The following BTBD7 variants were observed in gnomAD, a reference collection of about 807,000 sequenced individuals.
BTBD7 encodes the protein BTB domain containing 7, also known as BTB/POZ domain-containing protein 7.
In BTBD7, 38 loss-of-function variants were observed where a neutral mutation model predicts 99.9. The observed-to-expected ratio is 0.38, with a 90% CI of 0.29 to 0.50. BTBD7 has a LOEUF of 0.50. BTBD7 is among the 20% of genes least tolerant of loss of function. The probability of loss-of-function intolerance (pLI) is 0.93; values close to 1 mark genes in which losing one functional copy is unlikely to be tolerated. For synonymous variants in BTBD7, 520 were observed against 511.4 expected, an observed-to-expected ratio of 1.02 and a Z score of -0.23; for missense variants, 1,170 against 1,394.6, an observed-to-expected ratio of 0.84 and a Z score of 2.57.
intron 3 of BTBD7, among the ~76,000 whole-genome samples, chr14:93,287,209 A>T (rs2052789361): frequency 6.9e-6 from 1 of 145,852 alleles, no homozygotes; most frequent in Admixed American, 6.7e-5. Context: ...AGCCTGGGCG[A>T]CAGAGCGAGA....
rs1289228079 is a variant in BTBD7, at chr14:93,239,348, A to T, written c.*2925T>A. The T allele has an allele frequency of 6.6e-6, 1 of 152,578 alleles. No individual in the cohort carries two copies. The allele number at this position is 152,578 out of a possible 1,614,324, so 9.5% of individuals were successfully genotyped here. A position where few individuals can be genotyped will look rare whatever the true frequency, so the allele number is the denominator to read the frequency against. ...CAAAGGCCTGATTGTCCACGATCTCAAAAGGAGATCTGGTATTTTTGTGAT... is the reference window on the plus strand; with the variant it reads ...CAAAGGCCTGATTGTCCACGATCTCTAAAGGAGATCTGGTATTTTTGTGAT... On this transcript the variant is annotated 3_prime_UTR_variant, in exon 11 of 11. Transcript: ENST00000334746.
intron 4 of BTBD7, among the ~76,000 whole-genome samples, chr14:93,262,335 T>C (rs2139704124): frequency 6.6e-6 from 1 of 152,054 alleles, no homozygotes; most frequent in East Asian, 1.9e-4. Flanking sequence ...GGGTTTTACC[T>C]TGTTAGTCAG....
At chr14:93,316,021 G>A (rs1230744377) in intron 1 of BTBD7, among the ~76,000 whole-genome samples, 2 of 148,314 alleles carry the variant, frequency 1.3e-5, no homozygotes, top group East Asian at 2.0e-4. Context: ...GTGTGATCTC[G>A]GCTCACTGCA....
At chr14:93,309,277 A>G (rs921383631) in intron 1 of BTBD7, among the ~76,000 whole-genome samples, 13 of 152,172 alleles carry the variant, frequency 8.5e-5, no homozygotes, top group Non-Finnish European at 1.9e-4. Context: ...TAGAGACTTT[A>G]AAGTGACTTA....
At chr14:93,272,389 C>T (rs2052610391) in intron 3 of BTBD7, among the ~76,000 whole-genome samples, 1 of 152,220 alleles carries the variant, frequency 6.6e-6, no homozygotes. Flanking sequence ...TGTGTCTACA[C>T]AGTACCCTAT....
chr14:93,312,431 C>CT (rs969339320), intron 1 of BTBD7, among the ~76,000 whole-genome samples: 65 of 152,290 alleles, frequency 4.3e-4, no homozygotes, highest in Middle Eastern at 3.4e-3. Context: ...CAAAAATTCA[C>CT]TTTTTTCTTT....
chr14:93,316,001 G>A (rs1444176339), intron 1 of BTBD7, among the ~76,000 whole-genome samples: 8 of 150,152 alleles, frequency 5.3e-5, no homozygotes, highest in Admixed American at 1.3e-4. Flanking sequence ...GCCCAGGATG[G>A]AGTACAATGG....
chr14:93,260,161 A>G (rs1012317050), intron 5 of BTBD7, among the ~76,000 whole-genome samples: 1 of 152,212 alleles, frequency 6.6e-6, no homozygotes, highest in African/African-American at 2.4e-5. Flanking sequence ...GGTTTAGCAC[A>G]ACATTTTTTA....
At chr14:93,315,899 G>A (rs1226742971) in intron 1 of BTBD7, among the ~76,000 whole-genome samples, 1 of 150,980 alleles carries the variant, frequency 6.6e-6, no homozygotes, top group African/African-American at 2.4e-5. Context: ...TACAAGTTGT[G>A]TAGACATGTA....
At chr14:93,298,399 T>G (rs2052955367) in intron 1 of BTBD7, among the ~76,000 whole-genome samples, 1 of 152,202 alleles carries the variant, frequency 6.6e-6, no homozygotes, top group South Asian at 2.1e-4. Context: ...TGGAGCTGTC[T>G]TCTTTGCTTT....
At chr14:93,252,271 C>T (rs539875148) in intron 7 of BTBD7, among the ~76,000 whole-genome samples, 14 of 150,280 alleles carry the variant, frequency 9.3e-5, no homozygotes, top group South Asian at 2.1e-4. Flanking sequence ...GATCTCACTG[C>T]GGCACTCCAG....
chr14:93,285,899 G>C (rs1336613217), intron 3 of BTBD7, among the ~76,000 whole-genome samples: 1 of 152,128 alleles, frequency 6.6e-6, no homozygotes, highest in African/African-American at 2.4e-5. Flanking sequence ...TTATCTCAAA[G>C]GACACTATTA....
At position 93,238,802 on chromosome 14, in the gene BTBD7, G is replaced by T. The variant is rs540043479; in HGVS notation, c.*3471C>A. On this transcript the variant is annotated 3_prime_UTR_variant, in exon 11 of 11. Coordinates refer to ENST00000334746, the MANE Select transcript of BTBD7 (RefSeq NM_001002860.4). ...GTGTTTCCAATTTGCCTTCTGCATC[G>T]GCACCTTAATGCAGATGTACAAGGA... 1 of 152,236 alleles carries T rather than the reference G, an allele frequency of 6.6e-6. No individual in the cohort carries two copies. The highest frequency in any genetic ancestry group is 6.5e-5 in the Admixed American group (1 of 15,280). The allele number at this position is 152,236 out of a possible 1,614,324, so 9.4% of individuals were successfully genotyped here. A position where few individuals can be genotyped will look rare whatever the true frequency, so the allele number is the denominator to read the frequency against.
At chr14:93,317,042 C>A (rs1463253305) in intron 1 of BTBD7, among the ~76,000 whole-genome samples, 2 of 152,172 alleles carry the variant, frequency 1.3e-5, no homozygotes, top group Admixed American at 6.5e-5. Flanking sequence ...ATCACAGAAA[C>A]CTTCATAAGA....
chr14:93,301,637 T>C (rs998346408), intron 1 of BTBD7, among the ~76,000 whole-genome samples: 1 of 152,100 alleles, frequency 6.6e-6, no homozygotes, highest in Non-Finnish European at 1.5e-5. Context: ...TGCAGTGAGC[T>C]ATGATCACAC....
chr14:93,318,470 T>C (rs942443861), intron 1 of BTBD7, among the ~76,000 whole-genome samples: 1 of 152,208 alleles, frequency 6.6e-6, no homozygotes, highest in Non-Finnish European at 1.5e-5. Flanking sequence ...CACAATAAAA[T>C]GTTTTGTTGG....
chr14:93,303,234 A>C (rs886978533), intron 1 of BTBD7, among the ~76,000 whole-genome samples: 1 of 152,178 alleles, frequency 6.6e-6, no homozygotes, highest in Non-Finnish European at 1.5e-5. Flanking sequence ...AGTGTTAATA[A>C]GGTCCTGGCT....
intron 10 of BTBD7, chr14:93,243,986 T>G: frequency 4.9e-6 from 1 of 204,290 alleles, no homozygotes; most frequent in Non-Finnish European, 1.0e-5. Flanking sequence ...AAAGGCTTTC[T>G]GTGCTAACAG....
intron 9 of BTBD7, among the ~76,000 whole-genome samples, chr14:93,246,980 T>C (rs1566834189): frequency 6.6e-6 from 1 of 152,086 alleles, no homozygotes. Context: ...AACCTAAAAG[T>C]GGTTTGCTGA....
Sources: allele counts gnomAD v4.1 joint callset (sites outside exome capture counted in the v4.1 genomes callset), GRCh38; gene constraint gnomAD v4.1.1; transcripts MANE v1.5; gene names NCBI Gene and HGNC (gene_info 2026-07-23, HGNC 2026-07-21).